PKN2: variants seen among roughly 807,000 people sequenced by gnomAD.
PKN2 encodes protein kinase N2.
Under a neutral mutation model 119.1 loss-of-function variants are expected in PKN2, and 38 were observed. The observed-to-expected ratio is 0.32, with a 90% CI of 0.25 to 0.42. PKN2 has a LOEUF of 0.42. Among genes scored for constraint, PKN2 ranks in the 10% least tolerant of loss-of-function variants. The probability of loss-of-function intolerance (pLI) is 1.00; values close to 1 mark genes in which losing one functional copy is unlikely to be tolerated. For missense variants in PKN2, 850 were observed against 1,165.1 expected (o/e 0.73, Z 3.94); for synonymous variants, 390 against 384.9 (o/e 1.01, Z -0.15).
intron 8 of PKN2, among the ~76,000 whole-genome samples, chr1:88,797,376 G>T (rs146960437): frequency 0.015 from 2,320 of 151,528 alleles, 45 homozygotes; most frequent in African/African-American, 0.054. Context: ...AGGTGCAGTG[G>T]CTCATGCCTA....
chr1:88,715,883 G>A (rs1667428915), intron 1 of PKN2, among the ~76,000 whole-genome samples: 1 of 152,174 alleles, frequency 6.6e-6, no homozygotes, highest in Non-Finnish European at 1.5e-5. Context: ...TAATTGTGAT[G>A]TTAGGGTGTT....
intron 4 of PKN2, among the ~76,000 whole-genome samples, 165 bp from the exon 5 acceptor site, chr1:88,771,256 G>A (rs1332300807): frequency 6.6e-6 from 1 of 151,994 alleles, no homozygotes; most frequent in Admixed American, 6.6e-5. Flanking sequence ...AAAATGAAAG[G>A]CTCTGAATTT....
At chr1:88,702,509 C>T (rs1336804288) in intron 1 of PKN2, among the ~76,000 whole-genome samples, 1 of 152,094 alleles carries the variant, frequency 6.6e-6, no homozygotes, top group African/African-American at 2.4e-5. Flanking sequence ...AAACTTTGGT[C>T]AGCAGCTTGA....
At chr1:88,803,907 A>C (rs1671433224) in intron 8 of PKN2, among the ~76,000 whole-genome samples, 1 of 152,218 alleles carries the variant, frequency 6.6e-6, no homozygotes. Flanking sequence ...TTAGCACAAT[A>C]TGTGGCACAT....
Position 88,820,226 on chromosome 1 carries a change from ATAT to A in PKN2, c.2280-1714_2280-1712del, listed in dbSNP as rs1672209980. On this transcript the variant is annotated intron_variant, in intron 16 of 21. Transcript: ENST00000370521. ...TATATATATATATATATATATATAT[ATAT>A]ATATAAATAGAAAAAAATAAAAATG... 2.8e-5 allele frequency among the ~76,000 whole-genome samples: 3 copies of A among 108,452 alleles called. No homozygotes were observed. In the Admixed American group the frequency reaches 2.9e-4, roughly 11 times the overall value. The allele number at this position is 108,452 out of a possible 152,430, so 71.1% of individuals were successfully genotyped here.
chr1:88,772,311 T>C (rs1287192772), intron 6 of PKN2, among the ~76,000 whole-genome samples: 2 of 152,258 alleles, frequency 1.3e-5, no homozygotes, highest in African/African-American at 2.4e-5. Context: ...TGTTGTAGTA[T>C]GTATGAGTAC....
chr1:88,821,017 G>T (rs1258891251), intron 16 of PKN2, among the ~76,000 whole-genome samples: 2 of 152,288 alleles, frequency 1.3e-5, no homozygotes, highest in African/African-American at 4.8e-5. Context: ...ATCCAAACCT[G>T]CATACCCAGC....
chr1:88,736,315 C>A (rs539950203), intron 1 of PKN2, among the ~76,000 whole-genome samples: 1 of 152,158 alleles, frequency 6.6e-6, no homozygotes, highest in African/African-American at 2.4e-5. Flanking sequence ...TTTCCTGGTG[C>A]CTTATTTTGT....
intron 1 of PKN2, among the ~76,000 whole-genome samples, chr1:88,723,410 G>GGCCC (rs567944078): frequency 8.0e-6 from 1 of 125,128 alleles, no homozygotes; most frequent in African/African-American, 3.1e-5. Context: ...ACCGTGCCCT[G>GGCCC]CCCCCCCCCC....
chr1:88,796,550 C>T (rs1557617561), intron 8 of PKN2, among the ~76,000 whole-genome samples: 3 of 152,140 alleles, frequency 2.0e-5, no homozygotes, highest in African/African-American at 4.8e-5. Flanking sequence ...TATATACTTC[C>T]TTACCTTTGT....
In PKN2 at chr1:88,806,025, AT is replaced by A; in HGVS notation, c.1803+12del. ...TTGGATATACCAGGACAGGCAAGCCATTTTAAACCTTGCATAATTCCTCTTC... is the reference window on the plus strand; with the variant it reads ...TTGGATATACCAGGACAGGCAAGCCATTTAAACCTTGCATAATTCCTCTTC... On this transcript the variant is annotated intron_variant, in intron 12 of 21. Transcript: ENST00000370521. 2 of 1,610,400 alleles carry A rather than the reference AT, an allele frequency of 1.2e-6. No individual in the cohort carries two copies. The highest frequency in any genetic ancestry group is 1.7e-6 in the Non-Finnish European group (2 of 1,176,664).
At chr1:88,750,463 G>T (rs746777421) in intron 2 of PKN2, among the ~76,000 whole-genome samples, 1 of 152,096 alleles carries the variant, frequency 6.6e-6, no homozygotes. Flanking sequence ...ACACGTTTTG[G>T]GGGAAGCTAA....
In PKN2 at chr1:88,835,533, AAG is replaced by A. The variant is rs1469904349; in HGVS notation, c.*2086_*2087del. The A allele has an allele frequency of 4.3e-4, 65 of 152,526 alleles. No individual in the cohort carries two copies. Among genetic ancestry groups the A allele is most frequent in the African/African-American group, 1.5e-3 (63 of 41,552 alleles). 9.4% of individuals were successfully genotyped at this position (152,526 alleles called of 1,614,324 possible). On this transcript the variant is annotated 3_prime_UTR_variant, in exon 22 of 22. Coordinates refer to ENST00000370521, the MANE Select transcript of PKN2 (RefSeq NM_006256.4). ...TCTATTTACACAATTAAGCTGAAGAAAGCACTAATTTTTTGTAGTTTAAAATA... is the reference window on the plus strand; with the variant it reads ...TCTATTTACACAATTAAGCTGAAGAACACTAATTTTTTGTAGTTTAAAATA...
intron 8 of PKN2, among the ~76,000 whole-genome samples, chr1:88,794,858 C>A (rs917073910): frequency 3.3e-5 from 5 of 152,140 alleles, no homozygotes; most frequent in African/African-American, 1.2e-4. Context: ...ACTGCCACAG[C>A]ATCCTTTGAC....
intron 1 of PKN2, among the ~76,000 whole-genome samples, chr1:88,705,930 C>T (rs1408401157): frequency 1.3e-5 from 2 of 151,830 alleles, no homozygotes; most frequent in African/African-American, 4.8e-5. Flanking sequence ...GAGTATTAGT[C>T]TTCCAAATTT....
intron 16 of PKN2, among the ~76,000 whole-genome samples, chr1:88,817,959 T>C (rs1216144703): frequency 6.6e-6 from 1 of 152,192 alleles, no homozygotes; most frequent in Non-Finnish European, 1.5e-5. Context: ...GACATGATTA[T>C]ATATTTAGAA....
intron 1 of PKN2, among the ~76,000 whole-genome samples, chr1:88,711,369 G>A (rs1667229730): frequency 6.6e-6 from 1 of 152,052 alleles, no homozygotes; most frequent in African/African-American, 2.4e-5. Flanking sequence ...TACCACCTTT[G>A]CGTAATCAGT....
chr1:88,728,891 C>T (rs1026175724), intron 1 of PKN2, among the ~76,000 whole-genome samples: 1 of 145,622 alleles, frequency 6.9e-6, no homozygotes, highest in African/African-American at 2.7e-5. Context: ...TTAACATCCC[C>T]ATCTTTTTTT....
At chr1:88,802,096 T>A (rs1427826967) in intron 8 of PKN2, among the ~76,000 whole-genome samples, 6 of 152,204 alleles carry the variant, frequency 3.9e-5, no homozygotes, top group Non-Finnish European at 8.8e-5. Context: ...CCAAAGCAAC[T>A]AACTGGGCTA....
Sources: allele counts gnomAD v4.1 joint callset (sites outside exome capture counted in the v4.1 genomes callset), GRCh38; gene constraint gnomAD v4.1.1; transcripts MANE v1.5; gene names NCBI Gene and HGNC (gene_info 2026-07-23, HGNC 2026-07-21).